R3HCC1L: variants seen among roughly 807,000 people sequenced by gnomAD.
R3HCC1L encodes the protein coiled-coil domain-containing protein R3HCC1L.
Under a neutral mutation model 59.9 loss-of-function variants are expected in R3HCC1L, and 51 were observed. That is an observed-to-expected ratio of 0.85 (90% CI 0.68 to 1.07). R3HCC1L has a LOEUF of 1.07. Ranked by LOEUF, R3HCC1L falls within the 50% of genes least tolerant of loss-of-function variation. The pLI is 0.00. For synonymous variants in R3HCC1L, 322 were observed against 315.2 expected (o/e 1.02, Z -0.23); for missense variants, 965 against 933.0 (o/e 1.03, Z -0.45).
chr10:98,186,052 C>G (rs1172772566), intron 4 of R3HCC1L, among the ~76,000 whole-genome samples: 1 of 152,164 alleles, frequency 6.6e-6, no homozygotes, highest in East Asian at 1.9e-4. Context: ...TGGGATGTAT[C>G]CAGTAAAAAT....
chr10:98,142,968 CAAAAA>C (rs143821810), intron 1 of R3HCC1L, among the ~76,000 whole-genome samples: 24 of 147,660 alleles, frequency 1.6e-4, no homozygotes, highest in African/African-American at 5.5e-4. Context: ...CAAAACAAAA[CAAAAA>C]AAAAACAGAA....
At chr10:98,216,689 C>T (rs1332686228) in intron 5 of R3HCC1L, among the ~76,000 whole-genome samples, 2 of 152,156 alleles carry the variant, frequency 1.3e-5, no homozygotes, top group Non-Finnish European at 2.9e-5. Context: ...TCTGCTGCCT[C>T]ACCCTCCCGA....
chr10:98,243,522 C>G (rs2135797716), intron 9 of R3HCC1L, among the ~76,000 whole-genome samples: 1 of 152,234 alleles, frequency 6.6e-6, no homozygotes, highest in Non-Finnish European at 1.5e-5. Flanking sequence ...TTTTAGTTTT[C>G]CATATTGTAA....
chr10:98,172,112 CA>C (rs1464925214), intron 4 of R3HCC1L, among the ~76,000 whole-genome samples: 1 of 152,192 alleles, frequency 6.6e-6, no homozygotes, highest in Non-Finnish European at 1.5e-5. Flanking sequence ...AGGCTCTACA[CA>C]TGTTTGAGGC....
At chr10:98,172,687 C>T (rs530489361) in intron 4 of R3HCC1L, among the ~76,000 whole-genome samples, 1 of 152,296 alleles carries the variant, frequency 6.6e-6, no homozygotes, top group East Asian at 1.9e-4. Flanking sequence ...TTCTAACCAA[C>T]AATTGCAGCC....
Position 98,244,784 on chromosome 10 carries a change from A to T in R3HCC1L, c.*626A>T, listed in dbSNP as rs1857944041. On this transcript the variant is annotated 3_prime_UTR_variant, in exon 10 of 10. Coordinates refer to ENST00000298999, the MANE Select transcript of R3HCC1L (RefSeq NM_001351015.2). ...TCCAGCTGCACTGCAGCCAGGGGGG[A>T]TACCAGCTTCATTCCTCAGAGTAAA... 2 of 152,284 alleles carry T rather than the reference A, an allele frequency of 1.3e-5. No homozygotes were observed. Among genetic ancestry groups the T allele is most frequent in the Admixed American group, 1.3e-4 (2 of 15,282 alleles). The allele number at this position is 152,284 out of a possible 1,614,324, so 9.4% of individuals were successfully genotyped here. A position where few individuals can be genotyped will look rare whatever the true frequency, so the allele number is the denominator to read the frequency against.
intron 5 of R3HCC1L, among the ~76,000 whole-genome samples, chr10:98,225,679 T>C (rs1855593941): frequency 6.6e-6 from 1 of 152,218 alleles, no homozygotes; most frequent in African/African-American, 2.4e-5. Context: ...TTATGTTTTT[T>C]GCTATTATTA....
intron 9 of R3HCC1L, among the ~76,000 whole-genome samples, chr10:98,241,190 T>C (rs558589832): frequency 6.6e-6 from 1 of 152,174 alleles, no homozygotes. Flanking sequence ...GGAATAAGAT[T>C]CGTTTGACCA....
intron 1 of R3HCC1L, among the ~76,000 whole-genome samples, chr10:98,144,122 T>C (rs930158179): frequency 6.6e-6 from 1 of 152,080 alleles, no homozygotes; most frequent in Admixed American, 6.5e-5. Flanking sequence ...GCCAGGGTGA[T>C]TTAGTGAGAC....
chr10:98,144,655 T>C (rs1845484246), intron 1 of R3HCC1L, among the ~76,000 whole-genome samples: 1 of 152,226 alleles, frequency 6.6e-6, no homozygotes, highest in Admixed American at 6.5e-5. Context: ...AGCTGTCAGA[T>C]TTCCAAAGTA....
intron 1 of R3HCC1L, among the ~76,000 whole-genome samples, chr10:98,137,451 T>G (rs1051742424): frequency 2.0e-5 from 3 of 152,218 alleles, no homozygotes; most frequent in Admixed American, 6.5e-5. Flanking sequence ...GCTGTTGTTA[T>G]TGATGATTAT....
intron 4 of R3HCC1L, among the ~76,000 whole-genome samples, chr10:98,197,641 A>G (rs1317421764): frequency 1.3e-5 from 2 of 152,222 alleles, no homozygotes; most frequent in Non-Finnish European, 2.9e-5. Context: ...AGTGATATAA[A>G]TAAATGATAT....
intron 1 of R3HCC1L, among the ~76,000 whole-genome samples, chr10:98,150,060 C>G (rs978308959): frequency 2.0e-5 from 3 of 152,166 alleles, no homozygotes; most frequent in Non-Finnish European, 4.4e-5. Context: ...ATTCTTTCCT[C>G]TGTGTGATCC....
chr10:98,140,873 GATTA>G (rs1316397103), intron 1 of R3HCC1L, among the ~76,000 whole-genome samples: 1 of 151,880 alleles, frequency 6.6e-6, no homozygotes, highest in Non-Finnish European at 1.5e-5. Flanking sequence ...AAAAAATTAA[GATTA>G]ATATTAATTT....
chr10:98,191,462 G>A (rs549138703), intron 4 of R3HCC1L, among the ~76,000 whole-genome samples: 1 of 130,998 alleles, frequency 7.6e-6, no homozygotes, highest in South Asian at 2.2e-4. Context: ...CTTTTGAGAA[G>A]TGTCTGTTCA....
At chr10:98,194,888 C>A (rs1189320652) in intron 4 of R3HCC1L, among the ~76,000 whole-genome samples, 1 of 152,118 alleles carries the variant, frequency 6.6e-6, no homozygotes, top group Non-Finnish European at 1.5e-5. Flanking sequence ...AATGGCACAG[C>A]TCCTATGGAA....
Position 98,183,958 on chromosome 10 carries a change from GT to G in R3HCC1L, c.-15+20576del, listed in dbSNP as rs71007380. Among the ~76,000 whole-genome samples, 257 of 126,482 alleles carry G rather than the reference GT, an allele frequency of 2.0e-3. 1 individual carries two copies. Among genetic ancestry groups the G allele is most frequent in the Middle Eastern group, 8.3e-3 (2 of 240 alleles). The allele number at this position is 126,482 out of a possible 152,430, so 83.0% of individuals were successfully genotyped here. On this transcript the variant is annotated intron_variant, in intron 4 of 9. Transcript: ENST00000298999. ...TTTTTTTTTCTTTGCTCCTTTTTCG[GT>G]TTTTTTTTTTTTTTGGTTGAAATCT...
rs943944427 is a variant in R3HCC1L at position 98,209,274 on chromosome 10, A to T, written c.1160A>T (p.Asp387Val). ...GACACTACAGGTATGTCCTGTAGTG[A>T]TCATGTAACTGTTGATAGCCCTTAT... The part of the protein sequence containing the change: ...MMDTTGMSCS[D>V]HVTVDSPYVV... Residue 387 changes from aspartate (D) to valine (V), a missense_variant, in exon 5 of 10, where the codon GAT (aspartate) becomes GTT (valine). Coordinates refer to ENST00000298999, the MANE Select transcript of R3HCC1L (RefSeq NM_001351015.2). 3.1e-5 allele frequency: 50 copies of T among 1,613,718 alleles called. No individual in the cohort carries two copies. Among genetic ancestry groups the T allele is most frequent in the Non-Finnish European group, 3.9e-5 (46 of 1,179,846 alleles).
chr10:98,155,640 A>G (rs1846776874), intron 1 of R3HCC1L, among the ~76,000 whole-genome samples: 1 of 152,152 alleles, frequency 6.6e-6, no homozygotes, highest in East Asian at 1.9e-4. Flanking sequence ...AAAAGGATTT[A>G]TAACAAAATA....
Sources: allele counts gnomAD v4.1 joint callset (sites outside exome capture counted in the v4.1 genomes callset), GRCh38; gene constraint gnomAD v4.1.1; transcripts MANE v1.5; gene names NCBI Gene and HGNC (gene_info 2026-07-23, HGNC 2026-07-21).